The following ICA1 variants were observed in gnomAD, a reference collection of about 807,000 sequenced individuals.
ICA1 encodes 69 kDa islet cell autoantigen.
ICA1 carries 40 observed loss-of-function variants against 71.0 expected under a neutral mutation model. The observed-to-expected ratio is 0.56, with a 90% CI of 0.44 to 0.73. The LOEUF is 0.73. Among genes scored for constraint, ICA1 ranks in the 30% least tolerant of loss-of-function variants. ICA1 has a pLI of 0.00. For synonymous variants in ICA1, 207 were observed against 209.5 expected (o/e 0.99, Z 0.10); for missense variants, 578 against 576.5 (o/e 1.00, Z -0.03).
At chr7:8,154,657 A>T (rs1375353501) in intron 8 of ICA1, among the ~76,000 whole-genome samples, 6 of 152,222 alleles carry the variant, frequency 3.9e-5, no homozygotes, top group African/African-American at 1.4e-4. Flanking sequence ...GGCCATTATC[A>T]ACACAGAGTG....
intron 13 of ICA1, chr7:8,116,216 G>C (rs1056156180): frequency 6.6e-6 from 1 of 152,220 alleles, no homozygotes; most frequent in Admixed American, 6.5e-5. Flanking sequence ...ATTTCAGAGA[G>C]ACAAAATGCT....
intron 9 of ICA1, among the ~76,000 whole-genome samples, chr7:8,142,616 C>T (rs1291484268): frequency 6.6e-6 from 1 of 152,220 alleles, no homozygotes; most frequent in East Asian, 1.9e-4. Flanking sequence ...TCTTACTACA[C>T]AAGAGTAAGT....
At chr7:8,243,652 G>T (rs1019808655) in intron 1 of ICA1, among the ~76,000 whole-genome samples, 2 of 152,222 alleles carry the variant, frequency 1.3e-5, no homozygotes, top group Non-Finnish European at 2.9e-5. Flanking sequence ...TGACATGATT[G>T]TATATTTAGA....
intron 6 of ICA1, among the ~76,000 whole-genome samples, chr7:8,184,733 G>C (rs1326421006): frequency 6.6e-6 from 1 of 152,212 alleles, no homozygotes; most frequent in Non-Finnish European, 1.5e-5. Flanking sequence ...AGATGGGAGA[G>C]ATGTGTAAAC....
chr7:8,134,170 T>C (rs531349607), intron 12 of ICA1, among the ~76,000 whole-genome samples: 148 of 152,294 alleles, frequency 9.7e-4, no homozygotes, highest in African/African-American at 3.3e-3. Context: ...AAGGCTGAGA[T>C]GACAGATCCA....
At chr7:8,124,040 G>A (rs998739323) in intron 13 of ICA1, among the ~76,000 whole-genome samples, 1 of 151,806 alleles carries the variant, frequency 6.6e-6, no homozygotes, top group Admixed American at 6.5e-5. Flanking sequence ...TTCCTGGCAC[G>A]TAGCACGTGC....
chr7:8,143,242 T>C (rs1362037689), intron 9 of ICA1, among the ~76,000 whole-genome samples: 1 of 152,222 alleles, frequency 6.6e-6, no homozygotes, highest in East Asian at 1.9e-4. Flanking sequence ...GCACCACATA[T>C]GTTGAAAAGT....
chr7:8,160,906 A>G (rs1037434142), intron 6 of ICA1, among the ~76,000 whole-genome samples: 4 of 152,306 alleles, frequency 2.6e-5, no homozygotes, highest in Middle Eastern at 6.8e-3. Flanking sequence ...AGGCAGAAAA[A>G]AGAAAACCTA....
intron 6 of ICA1, among the ~76,000 whole-genome samples, chr7:8,199,505 G>C (rs1435194712): frequency 6.6e-6 from 1 of 152,226 alleles, no homozygotes; most frequent in Non-Finnish European, 1.5e-5. Context: ...GAGGTCAGGA[G>C]TTTGAGACCA....
At chr7:8,241,227 C>T (rs1583674385) in intron 1 of ICA1, among the ~76,000 whole-genome samples, 1 of 152,332 alleles carries the variant, frequency 6.6e-6, no homozygotes, top group Non-Finnish European at 1.5e-5. Context: ...TCAGCAGAAA[C>T]TCTACAAGCC....
At chr7:8,182,239 C>G (rs1246795092) in intron 6 of ICA1, among the ~76,000 whole-genome samples, 1 of 152,160 alleles carries the variant, frequency 6.6e-6, no homozygotes, top group Non-Finnish European at 1.5e-5. Flanking sequence ...GTCATCCCTG[C>G]TACATTCCCT....
intron 1 of ICA1, among the ~76,000 whole-genome samples, chr7:8,241,748 A>G (rs1003702239): frequency 1.1e-4 from 16 of 152,128 alleles, no homozygotes; most frequent in Non-Finnish European, 2.2e-4. Flanking sequence ...AAGCAAAAAA[A>G]CAGCAGGGGT....
Position 8,113,986 on chromosome 7 carries a change from G to A in ICA1, c.1389C>T (p.Asp463=), listed in dbSNP as rs955180789. The A allele has an allele frequency of 2.5e-6, 4 of 1,614,020 alleles. No homozygotes were observed. Among genetic ancestry groups the A allele is most frequent in the African/African-American group, 1.3e-5 (1 of 74,922 alleles). ...CAACAGCATCAGGATTTGAGAGTGG[G>A]TCGAGGTCAGCGAAGAGGCTGAACC... is the stretch of plus-strand genomic sequence containing the variant. ...TAWFSLFADL[D]PLSNPDAVGK... The change falls in exon 14 of 14, where the codon GAC becomes GAT. Residue 463 remains aspartate, a synonymous_variant. Transcript: ENST00000402384. The surrounding 1 kb of genome is among the most constrained non-coding windows in gnomAD (Gnocchi z 4.2).
chr7:8,144,427 T>A lies in ICA1; in HGVS notation c.805-455A>T, dbSNP rs1796215337. Among the ~76,000 whole-genome samples, 1 of 152,230 alleles carries A rather than the reference T, an allele frequency of 6.6e-6. No individual in the cohort carries two copies. Among genetic ancestry groups the A allele is most frequent in the African/African-American group, 2.4e-5 (1 of 41,466 alleles). On this transcript the variant is annotated intron_variant, in intron 8 of 13. Coordinates refer to ENST00000402384, the MANE Select transcript of ICA1 (RefSeq NM_001136020.3). The surrounding 1 kb of genome is among the most constrained non-coding windows in gnomAD (Gnocchi z 4.5). Reference sequence around the variant, plus strand: ...TTGTTTTAAATTTTGTTTGCTATTTTGCAATCTAAAACCCAGTTTTAAAAA... The same window carrying A: ...TTGTTTTAAATTTTGTTTGCTATTTAGCAATCTAAAACCCAGTTTTAAAAA...
chr7:8,157,327 A>T, intron 7 of ICA1, 113 bp from the exon 8 acceptor site: 1 of 1,037,814 alleles, frequency 9.6e-7, no homozygotes, highest in Non-Finnish European at 1.4e-6. Context: ...CATGATTCTA[A>T]CTCATTTCCA....
intron 10 of ICA1, among the ~76,000 whole-genome samples, chr7:8,141,367 C>T (rs773549045): frequency 3.9e-5 from 6 of 152,164 alleles, no homozygotes; most frequent in Admixed American, 2.0e-4. Flanking sequence ...AACATCCACC[C>T]GCCCCACACA....
intron 5 of ICA1, among the ~76,000 whole-genome samples, chr7:8,220,649 T>C (rs1045658641): frequency 8.0e-5 from 12 of 149,084 alleles, no homozygotes; most frequent in African/African-American, 3.0e-4. Flanking sequence ...GTCACGGTTG[T>C]GTTAAAAAAA....
intron 6 of ICA1, among the ~76,000 whole-genome samples, chr7:8,188,797 G>T (rs1784647228): frequency 6.6e-6 from 1 of 152,142 alleles, no homozygotes; most frequent in Non-Finnish European, 1.5e-5. Context: ...GGGCAGAGAA[G>T]AAGCAAGCAT....
At chr7:8,162,629 T>G (rs1804303976) in intron 6 of ICA1, among the ~76,000 whole-genome samples, 1 of 152,220 alleles carries the variant, frequency 6.6e-6, no homozygotes, top group African/African-American at 2.4e-5. Context: ...TTCTATTACA[T>G]AAATATCTTG....
Sources: allele counts gnomAD v4.1 joint callset (sites outside exome capture counted in the v4.1 genomes callset), GRCh38; gene constraint gnomAD v4.1.1; non-coding constraint Gnocchi (gnomAD v3.1); transcripts MANE v1.5; gene names NCBI Gene and HGNC (gene_info 2026-07-23, HGNC 2026-07-21).